Variants in TBCE observed in about 807,000 individuals in gnomAD.
The protein encoded by TBCE is tubulin folding cofactor E.
TBCE carries 53 observed loss-of-function variants against 77.0 expected under a neutral mutation model. The observed-to-expected ratio is 0.69, with a 90% CI of 0.55 to 0.87. The LOEUF (loss-of-function observed/expected upper bound fraction) is 0.87, where lower values mean the gene tolerates loss of function less well. Ranked by LOEUF, TBCE falls within the 40% of genes least tolerant of loss-of-function variation. TBCE has a pLI of 0.00. For synonymous variants in TBCE, 235 were observed against 241.3 expected (o/e 0.97, Z 0.24); for missense variants, 624 against 622.4 (o/e 1.00, Z -0.03).
chr1:235,410,499 T>C (rs183594635), intron 3 of TBCE, among the ~76,000 whole-genome samples: 1 of 152,078 alleles, frequency 6.6e-6, no homozygotes, highest in African/African-American at 2.4e-5. Context: ...CCATCTTGGT[T>C]TTGGTGGGTT....
rs199696216 is a variant in TBCE at position 235,380,162 on chromosome 1, T to G, written c.100+13T>G. 1,811 of 10,648 alleles carry G rather than the reference T, an allele frequency of 0.17. 2 individuals are homozygous for G. The highest frequency in any genetic ancestry group is 0.2 in the Non-Finnish European group (1,686 of 8,338). 0.7% of individuals were successfully genotyped at this position (10,648 alleles called of 1,614,324 possible). Reference sequence around the variant, plus strand: ...CCTCCCGTGGCAGGTAAGCAATTATTGTGTGTGTGTGTGTGTGTGTGTGTG... The same window carrying G: ...CCTCCCGTGGCAGGTAAGCAATTATGGTGTGTGTGTGTGTGTGTGTGTGTG... On this transcript the variant is annotated intron_variant, in intron 2 of 16. Transcript: ENST00000642610.
chr1:235,445,618 A>C (rs1682204083), intron 15 of TBCE, among the ~76,000 whole-genome samples: 2 of 152,198 alleles, frequency 1.3e-5, no homozygotes. Flanking sequence ...CCTGGGTGAC[A>C]GAGTGAGGCC....
chr1:235,388,440 C>G (rs1678172269), intron 2 of TBCE, among the ~76,000 whole-genome samples: 1 of 151,948 alleles, frequency 6.6e-6, no homozygotes, highest in Admixed American at 6.6e-5. Context: ...GGGGACCCAC[C>G]ACCACACCCA....
At chr1:235,439,821 A>G (rs1385873891) in intron 13 of TBCE, among the ~76,000 whole-genome samples, 1 of 150,996 alleles carries the variant, frequency 6.6e-6, no homozygotes, top group Non-Finnish European at 1.5e-5. Flanking sequence ...TTTTCTTTTG[A>G]GACAGAGTCT....
chr1:235,414,992 G>A (rs989553911), intron 4 of TBCE: 6 of 302,698 alleles, frequency 2.0e-5, no homozygotes, highest in African/African-American at 4.4e-5. Flanking sequence ...GCCGTGGAGC[G>A]TGCTGGTGCC....
chr1:235,378,078 T>G (rs1423466257), intron 1 of TBCE, among the ~76,000 whole-genome samples: 2 of 152,212 alleles, frequency 1.3e-5, no homozygotes, highest in Non-Finnish European at 2.9e-5. Flanking sequence ...CCAGATGGCA[T>G]GTAACAGCAT....
intron 1 of TBCE, among the ~76,000 whole-genome samples, chr1:235,372,178 T>G (rs1294050756): frequency 6.6e-6 from 1 of 152,042 alleles, no homozygotes. Flanking sequence ...AATTTTGCTG[T>G]GCATATTTAG....
intron 3 of TBCE, among the ~76,000 whole-genome samples, chr1:235,405,172 A>G (rs1301866017): frequency 6.6e-6 from 1 of 151,644 alleles, no homozygotes; most frequent in Non-Finnish European, 1.5e-5. Context: ...CATGTTGGCC[A>G]TTCTGGTCTC....
chr1:235,437,290 C>T lies in TBCE; in HGVS notation c.964-32C>T, dbSNP rs12131040. ...CTGCAAAAGTGGCATGAACGTACCG[C>T]TTTTCATTTATTTCCTTTTGCTGTG... On this transcript the variant is annotated intron_variant, in intron 11 of 16. Coordinates refer to ENST00000642610, the MANE Select transcript of TBCE (RefSeq NM_003193.5). 0.027 allele frequency: 42,870 copies of T among 1,613,734 alleles called. 709 individuals are homozygous for T. The highest frequency in any genetic ancestry group is 0.063 in the Middle Eastern group (384 of 6,048).
chr1:235,390,041 G>A (rs1438550161), intron 2 of TBCE, among the ~76,000 whole-genome samples: 1 of 151,864 alleles, frequency 6.6e-6, no homozygotes, highest in Non-Finnish European at 1.5e-5. Context: ...CAGCAGAATC[G>A]CTTGAACACG....
chr1:235,426,459 A>G (rs186925221), intron 5 of TBCE, among the ~76,000 whole-genome samples: 50 of 152,238 alleles, frequency 3.3e-4, no homozygotes, highest in Non-Finnish European at 1.8e-4. Context: ...GCCCCATAGA[A>G]GGTCATGTGC....
chr1:235,402,354 G>A (rs1190822678), intron 3 of TBCE, among the ~76,000 whole-genome samples: 2 of 151,966 alleles, frequency 1.3e-5, no homozygotes, highest in African/African-American at 2.4e-5. Context: ...GAGCCACCAC[G>A]CCCGGCCTGT....
At chr1:235,391,666 G>A (rs1404938450) in intron 2 of TBCE, among the ~76,000 whole-genome samples, 1 of 135,798 alleles carries the variant, frequency 7.4e-6, no homozygotes, top group Non-Finnish European at 1.5e-5. Flanking sequence ...GAGTGCAGTG[G>A]TACGATCTCT....
In TBCE at chr1:235,434,252, G is replaced by A. The variant is rs1360074361; in HGVS notation, c.709G>A (p.Glu237Lys). The stretch of plus-strand genomic sequence containing the variant: ...CCCAGGCCTGGAGGAACTCTACCTT[G>A]AGTCTAACAACATTTTCATTTCCGA... ...GCPGLEELYL[E>K]SNNIFISERP... The change falls in exon 8 of 17, where the codon GAG (glutamate) becomes AAG (lysine). Residue 237 changes from glutamate to lysine, a missense_variant. Coordinates refer to ENST00000642610, the MANE Select transcript of TBCE (RefSeq NM_003193.5). 1.5e-5 allele frequency: 25 copies of A among 1,613,998 alleles called. No homozygotes were observed. In the East Asian group the frequency reaches 5.3e-4, roughly 35 times the overall value.
intron 14 of TBCE, 26 bp downstream of exon 14, chr1:235,441,908 T>C (rs546638136): frequency 6.2e-7 from 1 of 1,603,868 alleles, no homozygotes; most frequent in African/African-American, 1.3e-5. Context: ...TCAAATAGTT[T>C]ATTTGTATTT....
At chr1:235,448,271 G>T in intron 15 of TBCE, 78 bp from the exon 16 acceptor site, 5 of 935,348 alleles carry the variant, frequency 5.3e-6, no homozygotes, top group Non-Finnish European at 7.0e-6. Flanking sequence ...CAATGATACT[G>T]TGGTCTCATC....
chr1:235,410,921 T>C (rs1269383867), intron 3 of TBCE, among the ~76,000 whole-genome samples: 6 of 152,182 alleles, frequency 3.9e-5, no homozygotes, highest in Non-Finnish European at 7.4e-5. Flanking sequence ...ATCTGGAAGA[T>C]TAATAAGTGT....
chr1:235,379,988 G>A, intron 1 of TBCE, 31 bp from the exon 2 acceptor site: 2 of 1,272,530 alleles, frequency 1.6e-6, no homozygotes, highest in Non-Finnish European at 1.1e-6. Context: ...ATTGTATTAA[G>A]TTCTTATCAG....
At chr1:235,379,254 G>A (rs1190201064) in intron 1 of TBCE, among the ~76,000 whole-genome samples, 3 of 152,078 alleles carry the variant, frequency 2.0e-5, no homozygotes, top group Admixed American at 6.6e-5. Context: ...TAGGCCGGGC[G>A]CAGTGGCTCA....
Sources: gnomAD v4.1 joint callset for allele counts (sites outside exome capture counted in the v4.1 genomes callset) on GRCh38, gnomAD v4.1.1 for gene constraint, MANE v1.5 for transcripts, NCBI Gene and HGNC (gene_info 2026-07-23, HGNC 2026-07-21) for gene names.